Variants in ADAMDEC1 observed in about 807,000 individuals in gnomAD.
The protein encoded by ADAMDEC1 is ADAM like decysin 1.
Under a neutral mutation model 60.4 loss-of-function variants are expected in ADAMDEC1, and 62 were observed. The ratio of observed to expected loss-of-function variants is 1.03; its 90% CI spans 0.84 to 1.27. The LOEUF is 1.27. Ranked by LOEUF, ADAMDEC1 falls within the 50% of genes most tolerant of loss-of-function variation. The pLI is 0.00. For missense variants in ADAMDEC1, 595 were observed against 565.0 expected, an observed-to-expected ratio of 1.05 and a Z score of -0.54; for synonymous variants, 210 against 195.1, an observed-to-expected ratio of 1.08 and a Z score of -0.64.
chr8:24,389,106 C>T (rs1427823560), intron 1 of ADAMDEC1, among the ~76,000 whole-genome samples: 1 of 152,156 alleles, frequency 6.6e-6, no homozygotes, highest in African/African-American at 2.4e-5. Flanking sequence ...AATGGATACA[C>T]TGGAAATCTT....
intron 13 of ADAMDEC1, 148 bp from the exon 14 acceptor site, chr8:24,405,144 T>C (rs571340732): frequency 1.3e-6 from 1 of 795,234 alleles, no homozygotes; most frequent in African/African-American, 1.8e-5. Flanking sequence ...TTTTCACTCA[T>C]GAAATACAGC....
chr8:24,396,693 C>T (rs900140989), intron 5 of ADAMDEC1, among the ~76,000 whole-genome samples: 2 of 151,982 alleles, frequency 1.3e-5, no homozygotes, highest in Non-Finnish European at 2.9e-5. Flanking sequence ...ATAACACACA[C>T]GACAAGTTCT....
intron 11 of ADAMDEC1, 43 bp from the exon 12 acceptor site, chr8:24,401,872 C>T: frequency 1.4e-6 from 2 of 1,458,386 alleles, no homozygotes; most frequent in South Asian, 1.2e-5. Flanking sequence ...GCAGAAGGCA[C>T]CACACTGTAT....
At chr8:24,399,798 G>A (rs1817714935) in intron 10 of ADAMDEC1, among the ~76,000 whole-genome samples, 1 of 152,114 alleles carries the variant, frequency 6.6e-6, no homozygotes, top group South Asian at 2.1e-4. Flanking sequence ...GGCCAGAGAG[G>A]CCAGACAAGG....
rs76130798 is a variant in ADAMDEC1, at chr8:24,395,134, T to G, written c.364-586T>G. ...TTGTAGACAAATAATTTTGTGTCTTTGAGGCTGATAAAGGGATTCCACTAA... is the reference window on the plus strand; with the variant it reads ...TTGTAGACAAATAATTTTGTGTCTTGGAGGCTGATAAAGGGATTCCACTAA... On this transcript the variant is annotated intron_variant, in intron 4 of 13. Coordinates refer to ENST00000256412, the MANE Select transcript of ADAMDEC1 (RefSeq NM_014479.3). Among the ~76,000 whole-genome samples, 1,100 of 152,346 alleles carry G rather than the reference T, an allele frequency of 7.2e-3. 16 individuals are homozygous for G. The highest frequency in any genetic ancestry group is 0.016 in the South Asian group (76 of 4,832).
At chr8:24,399,878 G>A (rs963320356) in intron 10 of ADAMDEC1, among the ~76,000 whole-genome samples, 1 of 152,110 alleles carries the variant, frequency 6.6e-6, no homozygotes, top group African/African-American at 2.4e-5. Flanking sequence ...AATAGGTTTT[G>A]GAGACCTCCG....
chr8:24,395,592 C>T, intron 4 of ADAMDEC1, 128 bp from the exon 5 acceptor site: 1 of 617,104 alleles, frequency 1.6e-6, no homozygotes, highest in Non-Finnish European at 2.7e-6. Flanking sequence ...AGAATTTTTA[C>T]ATATTCAAGA....
In ADAMDEC1 at chr8:24,393,273, A is replaced by G. The variant is rs768571287; in HGVS notation, c.219A>G (p.Glu73=). The G allele has an allele frequency of 5.0e-6, 8 of 1,596,202 alleles. No individual in the cohort carries two copies. In the East Asian group the frequency reaches 1.4e-4, roughly 27 times the overall value. Residue 73 remains glutamate, a synonymous_variant, in exon 3 of 14, where the codon GAA becomes GAG. Transcript: ENST00000256412. ...TEKHGKEERY[E]PEVQYQMILN... ...TTAAATGTTTTCAGGAAAGGTATGA[A>G]CCTGAAGTTCAATATCAGATGATCT...
Position 24,394,066 on chromosome 8 carries a change from C to G in ADAMDEC1, c.285-3C>G, listed in dbSNP as rs1298329481. The stretch of plus-strand genomic sequence containing the variant: ...GGTCCATGCAGCTCTCTGCTCTCTA[C>G]AGGCACCTCCTGGGGCCAGACTACA... On this transcript the variant is annotated splice_region_variant and splice_polypyrimidine_tract_variant and intron_variant, in intron 3 of 13. Coordinates refer to ENST00000256412, the MANE Select transcript of ADAMDEC1 (RefSeq NM_014479.3). 1 of 1,610,132 alleles carries G rather than the reference C, an allele frequency of 6.2e-7. No homozygotes were observed.
At chr8:24,393,617 T>C (rs1386407827) in intron 3 of ADAMDEC1, among the ~76,000 whole-genome samples, 3 of 152,196 alleles carry the variant, frequency 2.0e-5, no homozygotes, top group Non-Finnish European at 4.4e-5. Flanking sequence ...GATGCAGCTT[T>C]CCATTCTTTT....
rs1255421977 is a variant in ADAMDEC1 at position 24,393,328 on chromosome 8, C to CA, written c.280dup (p.Thr94AsnfsTer11). On this transcript the variant is annotated frameshift_variant, in exon 3 of 14. Transcript: ENST00000256412. LOFTEE classifies it high-confidence loss of function. ...TGGAGAAGAAATCATTCTCTCCCTA[C>CA]AAAAAACCAAGTAAGTTGTACCTCC... 3 of 1,598,212 alleles carry CA rather than the reference C, an allele frequency of 1.9e-6. No individual in the cohort carries two copies. The highest frequency in any genetic ancestry group is 1.3e-5 in the African/African-American group (1 of 74,314).
chr8:24,403,528 G>T (rs1287275823), intron 12 of ADAMDEC1, among the ~76,000 whole-genome samples: 2 of 151,976 alleles, frequency 1.3e-5, no homozygotes, highest in East Asian at 3.9e-4. Flanking sequence ...ATTGAGATTT[G>T]ATGGAAATGC....
At chr8:24,394,349 C>T (rs1817550702) in intron 4 of ADAMDEC1, among the ~76,000 whole-genome samples, 1 of 152,108 alleles carries the variant, frequency 6.6e-6, no homozygotes, top group Non-Finnish European at 1.5e-5. Flanking sequence ...TCACATTCAG[C>T]TTTTAAAACA....
intron 11 of ADAMDEC1, among the ~76,000 whole-genome samples, chr8:24,401,540 C>T (rs1817765864): frequency 6.6e-6 from 1 of 152,128 alleles, no homozygotes; most frequent in Non-Finnish European, 1.5e-5. Context: ...AACTACTTCC[C>T]TTCACTGGTT....
chr8:24,404,524 C>A (rs1817842518), intron 13 of ADAMDEC1, among the ~76,000 whole-genome samples: 2 of 152,150 alleles, frequency 1.3e-5, no homozygotes, highest in Non-Finnish European at 2.9e-5. Flanking sequence ...GACAATTTTA[C>A]TCCCTTTAAA....
intron 1 of ADAMDEC1, chr8:24,387,150 A>G (rs1459120317): frequency 2.0e-5 from 3 of 152,216 alleles, no homozygotes; most frequent in Non-Finnish European, 4.4e-5. Flanking sequence ...GAAAGCAATG[A>G]GTTCACGTAC....
At chr8:24,394,205 T>A in intron 4 of ADAMDEC1, 58 bp downstream of exon 4, 1 of 1,336,466 alleles carries the variant, frequency 7.5e-7, no homozygotes, top group Non-Finnish European at 1.1e-6. Flanking sequence ...TAGTTTGTGC[T>A]AATGTTAACT....
At chr8:24,386,254 T>C (rs949442894) in intron 1 of ADAMDEC1, among the ~76,000 whole-genome samples, 4 of 152,180 alleles carry the variant, frequency 2.6e-5, no homozygotes, top group African/African-American at 9.7e-5. Context: ...CTGGTAATGT[T>C]CTTATGTTTA....
Position 24,384,454 on chromosome 8 carries a change from T to G in ADAMDEC1, c.-51T>G. On this transcript the variant is annotated 5_prime_UTR_variant, in exon 1 of 14. Coordinates refer to ENST00000256412, the MANE Select transcript of ADAMDEC1 (RefSeq NM_014479.3). ...GGTTTTAATTTTCTTGTTCAACTTC[T>G]AAAGAGAAATTGGAGAAGATAAAAC... 6.9e-7 allele frequency: 1 copy of G among 1,450,498 alleles called. No homozygotes were observed. Among genetic ancestry groups the G allele is most frequent in the Non-Finnish European group, 9.3e-7 (1 of 1,070,856 alleles). 89.9% of individuals were successfully genotyped at this position (1,450,498 alleles called of 1,614,324 possible).
Sources: allele counts gnomAD v4.1 joint callset (sites outside exome capture counted in the v4.1 genomes callset), GRCh38; gene constraint gnomAD v4.1.1; transcripts MANE v1.5; gene names NCBI Gene and HGNC (gene_info 2026-07-23, HGNC 2026-07-21).